Variants in RAPGEF2 observed in about 807,000 individuals in gnomAD.
RAPGEF2 encodes Rap guanine nucleotide exchange factor 2.
RAPGEF2 carries 54 observed loss-of-function variants against 186.7 expected under a neutral mutation model. That is an observed-to-expected ratio of 0.29 (90% confidence interval 0.23 to 0.36). The LOEUF is 0.36. RAPGEF2 is among the 10% of genes least tolerant of loss of function. The pLI is 1.00. For missense variants in RAPGEF2, 1,532 were observed against 2,045.0 expected (o/e 0.75, Z 4.84); for synonymous variants, 712 against 705.9 (o/e 1.01, Z -0.14).
At chr4:159,330,136 T>C (rs1766445083) in intron 12 of RAPGEF2, 126 bp downstream of exon 12, 2 of 1,011,598 alleles carry the variant, frequency 2.0e-6, no homozygotes, top group Non-Finnish European at 1.4e-6. Context: ...GAAAAATCTT[T>C]ATGTATGATC....
intron 13 of RAPGEF2, 157 bp downstream of exon 13, chr4:159,330,655 G>A (rs574782258): frequency 4.2e-4 from 241 of 571,206 alleles, no homozygotes; most frequent in South Asian, 5.8e-4. Flanking sequence ...AAAAAAAAAG[G>A]TGATACAAAA....
intron 4 of RAPGEF2, among the ~76,000 whole-genome samples, chr4:159,224,976 T>C (rs1751878969): frequency 6.6e-6 from 1 of 152,174 alleles, no homozygotes; most frequent in African/African-American, 2.4e-5. Flanking sequence ...TTGACAGCTA[T>C]AACCAAATCT....
chr4:159,312,502 A>G (rs1764066662), intron 8 of RAPGEF2, among the ~76,000 whole-genome samples: 1 of 152,030 alleles, frequency 6.6e-6, no homozygotes, highest in Non-Finnish European at 1.5e-5. Flanking sequence ...TAAATCTAGC[A>G]ATGATTCAGT....
Position 159,256,139 on chromosome 4 carries a change from T to A in RAPGEF2, c.543+12348T>A, listed in dbSNP as rs147535638. 5.9e-5 allele frequency among the ~76,000 whole-genome samples: 9 copies of A among 152,360 alleles called. No homozygotes were observed. The East Asian group carries it at 1.7e-3, about 29-fold the overall frequency. On this transcript the variant is annotated intron_variant, in intron 7 of 29. Coordinates refer to ENST00000691494, the MANE Select transcript of RAPGEF2 (RefSeq NM_001394067.2). ...CAGCTTTGTTACATAGGTAAACGTGTGCCATGGTGGTTTGCCGTACCTGTC... is the reference window on the plus strand; with the variant it reads ...CAGCTTTGTTACATAGGTAAACGTGAGCCATGGTGGTTTGCCGTACCTGTC...
At chr4:159,132,992 A>G (rs1741276960) in intron 1 of RAPGEF2, among the ~76,000 whole-genome samples, 1 of 151,898 alleles carries the variant, frequency 6.6e-6, no homozygotes, top group Non-Finnish European at 1.5e-5. Flanking sequence ...TCTGGTAGTG[A>G]GTGATTTTCA....
chr4:159,240,845 A>C, intron 5 of RAPGEF2, among the ~76,000 whole-genome samples: 1 of 134,954 alleles, frequency 7.4e-6, no homozygotes, highest in Non-Finnish European at 1.6e-5. Context: ...TACGTTGCTT[A>C]AGACAGTGTG....
intron 3 of RAPGEF2, among the ~76,000 whole-genome samples, chr4:159,203,329 T>C (rs1418890690): frequency 6.6e-6 from 1 of 152,204 alleles, no homozygotes; most frequent in Non-Finnish European, 1.5e-5. Context: ...AAGAAAATAT[T>C]TGAGTGCCAA....
At chr4:159,190,676 C>A (rs1360275920) in intron 2 of RAPGEF2, among the ~76,000 whole-genome samples, 2 of 152,126 alleles carry the variant, frequency 1.3e-5, no homozygotes, top group Admixed American at 1.3e-4. Flanking sequence ...GCAAACACAT[C>A]TTTTTTCACA....
At chr4:159,284,653 T>C (rs1201570439) in intron 7 of RAPGEF2, among the ~76,000 whole-genome samples, 1 of 152,212 alleles carries the variant, frequency 6.6e-6, no homozygotes, top group Non-Finnish European at 1.5e-5. Context: ...ATCTTCATTT[T>C]TGGTTCAGTT....
At chr4:159,317,649 T>C (rs1288033203) in intron 9 of RAPGEF2, among the ~76,000 whole-genome samples, 1 of 152,234 alleles carries the variant, frequency 6.6e-6, no homozygotes, top group Non-Finnish European at 1.5e-5. Context: ...CAATACCACA[T>C]GTTCAGCTGA....
At chr4:159,260,107 C>T (rs1579650011) in intron 7 of RAPGEF2, among the ~76,000 whole-genome samples, 1 of 152,048 alleles carries the variant, frequency 6.6e-6, no homozygotes, top group African/African-American at 2.4e-5. Context: ...AAGTGATTCA[C>T]CTCACAAGTA....
chr4:159,278,124 A>T (rs1759175859), intron 7 of RAPGEF2, among the ~76,000 whole-genome samples: 1 of 152,158 alleles, frequency 6.6e-6, no homozygotes, highest in Non-Finnish European at 1.5e-5. Flanking sequence ...TTTTTGTATA[A>T]GGTGTAAGGA....
At chr4:159,346,533 G>A (rs905154280) in intron 24 of RAPGEF2, among the ~76,000 whole-genome samples, 1 of 152,090 alleles carries the variant, frequency 6.6e-6, no homozygotes, top group Admixed American at 6.5e-5. Flanking sequence ...TTAATGGGGT[G>A]TTTAATAGTA....
At chr4:159,355,795 T>TA in intron 28 of RAPGEF2, 58 bp from the exon 29 acceptor site, 1 of 1,384,852 alleles carries the variant, frequency 7.2e-7, no homozygotes. Flanking sequence ...TTTATATTTT[T>TA]AATAAACTTT....
chr4:159,283,233 T>C (rs1004502412), intron 7 of RAPGEF2, among the ~76,000 whole-genome samples: 2 of 152,168 alleles, frequency 1.3e-5, no homozygotes, highest in African/African-American at 4.8e-5. Flanking sequence ...AATTTTTTTT[T>C]CTAATTTTAC....
intron 26 of RAPGEF2, among the ~76,000 whole-genome samples, chr4:159,352,232 G>A (rs1471062811): frequency 2.0e-5 from 3 of 152,140 alleles, no homozygotes; most frequent in African/African-American, 7.2e-5. Context: ...AAAATTGTAG[G>A]TAGGATACAG....
intron 26 of RAPGEF2, among the ~76,000 whole-genome samples, chr4:159,351,807 C>T (rs1162321770): frequency 1.3e-5 from 2 of 151,926 alleles, no homozygotes; most frequent in African/African-American, 4.8e-5. Context: ...AAAAATTAGC[C>T]AGACATGGTG....
Position 159,344,343 on chromosome 4 carries a change from T to G in RAPGEF2, c.3278+284T>G, listed in dbSNP as rs149654045. On this transcript the variant is annotated intron_variant, in intron 23 of 29. Transcript: ENST00000691494. ...TAGAAAAATTTTATTTTCATATAAT[T>G]GGTGTGTCTCGAAATGCAGAAAGCT... Among the ~76,000 whole-genome samples the G allele has an allele frequency of 1.2e-4, 19 of 152,236 alleles. No homozygotes were observed. In the East Asian group the frequency reaches 3.5e-3, roughly 28 times the overall value.
chr4:159,335,785 G>T (rs1476642151), intron 17 of RAPGEF2, among the ~76,000 whole-genome samples: 1 of 145,598 alleles, frequency 6.9e-6, no homozygotes, highest in East Asian at 2.0e-4. Context: ...GCAGTGAGCC[G>T]AGATTGTGCC....
Sources: allele counts gnomAD v4.1 joint callset (sites outside exome capture counted in the v4.1 genomes callset), GRCh38; gene constraint gnomAD v4.1.1; transcripts MANE v1.5; gene names NCBI Gene and HGNC (gene_info 2026-07-23, HGNC 2026-07-21).